ZNF41: variants seen among roughly 807,000 people sequenced by gnomAD.
The protein encoded by ZNF41 is zinc finger protein 41.
In ZNF41, 6 loss-of-function variants were observed where a neutral mutation model predicts 9.3. The ratio of observed to expected loss-of-function variants is 0.65; its 90% CI spans 0.35 to 1.28. ZNF41 has a LOEUF of 1.28. Ranked by LOEUF, ZNF41 falls within the 50% of genes most tolerant of loss-of-function variation. The probability of loss-of-function intolerance (pLI) is 0.03; values close to 1 mark genes in which losing one functional copy is unlikely to be tolerated. For synonymous variants in ZNF41, 192 were observed against 207.1 expected, an observed-to-expected ratio of 0.93 and a Z score of 0.63; for missense variants, 523 against 585.8, an observed-to-expected ratio of 0.89 and a Z score of 1.11.
At chrX:47,469,937 G>A (rs960996399) in intron 1 of ZNF41, among the ~76,000 whole-genome samples, 1 of 110,736 alleles carries the variant, frequency 9.0e-6, no homozygotes, top group African/African-American at 3.3e-5. Flanking sequence ...TGAGGAGAAG[G>A]CAAATTACAA....
chrX:47,464,740 AC>A (rs2056927278), intron 2 of ZNF41, among the ~76,000 whole-genome samples: 1 of 111,741 alleles, frequency 8.9e-6, no homozygotes, highest in Admixed American at 9.5e-5. Context: ...CATGGCCCTA[AC>A]CTGTGGGTCC....
At chrX:47,453,101 T>G (rs949520623) in intron 4 of ZNF41, among the ~76,000 whole-genome samples, 1 of 111,897 alleles carries the variant, frequency 8.9e-6, no homozygotes, top group Non-Finnish European at 1.9e-5. Flanking sequence ...CTTAAATTAT[T>G]TTTTTGAAAT....
rs747769307 is a variant in ZNF41 at position 47,448,079 on chromosome X, G to A, written c.1691C>T (p.Ser564Leu). 7.4e-6 allele frequency: 9 copies of A among 1,211,350 alleles called. No individual in the cohort carries two copies. Among genetic ancestry groups the A allele is most frequent in the Admixed American group, 2.2e-5 (1 of 45,939 alleles). Residue 564 changes from serine to leucine, a missense_variant, in exon 5 of 5, where the codon TCG (serine) becomes TTG (leucine). By Grantham distance (145) the Ser-to-Leu change is moderately radical. Transcript: ENST00000684689. Reference sequence around the variant, plus strand: ...AGATTTCTGATGTATTTTGAGGCGCGACTTCCATATGAAGGCTTTTCCACA... The same window carrying A: ...AGATTTCTGATGTATTTTGAGGCGCAACTTCCATATGAAGGCTTTTCCACA... The part of the protein sequence containing the change: ...NGCGKAFIWK[S>L]RLKIHQKSHI...
At chrX:47,450,574 G>A (rs991952099) in intron 4 of ZNF41, among the ~76,000 whole-genome samples, 3 of 111,550 alleles carry the variant, frequency 2.7e-5, no homozygotes, top group African/African-American at 9.8e-5. Flanking sequence ...AAGAGGAAAG[G>A]GAAAGCTATC....
rs367903849 is a variant in ZNF41 at position 47,447,491 on chromosome X, G to A, written c.2279C>T (p.Ser760Leu). ...TECQKAFTDR[S>L]NLIKHQKMHS... is the part of the protein sequence containing the mutation. The stretch of plus-strand genomic sequence containing the variant: ...CATTTTCTGGTGTTTAATGAGATTC[G>A]ATCTGTCAGTAAAGGCCTTCTGACA... The change falls in exon 5 of 5, where the codon TCG becomes TTG. Residue 760 changes from serine to leucine, a missense_variant. Physicochemically the swap from Ser to Leu is moderately radical, Grantham distance 145. Transcript: ENST00000684689. The A allele has an allele frequency of 4.1e-6, 5 of 1,209,243 alleles. No homozygotes were observed. The highest frequency in any genetic ancestry group is 4.6e-4 in the Middle Eastern group (2 of 4,375).
At chrX:47,451,431 G>T (rs1438448145) in intron 4 of ZNF41, among the ~76,000 whole-genome samples, 1 of 112,347 alleles carries the variant, frequency 8.9e-6, no homozygotes, top group African/African-American at 3.2e-5. Flanking sequence ...ACCCTGATGT[G>T]ATTATTACAC....
intron 2 of ZNF41, among the ~76,000 whole-genome samples, chrX:47,462,973 GTACACACACACACACACACA>G: frequency 1.8e-5 from 1 of 56,520 alleles, no homozygotes; most frequent in East Asian, 6.0e-4. Flanking sequence ...ACACATATGT[GTACACACACACACACACACA>G]TACACACACA....
At position 47,448,386 on chromosome X, in the gene ZNF41, T is replaced by C. The variant is rs2056211787; in HGVS notation, c.1384A>G (p.Thr462Ala). 3 of 1,209,761 alleles carry C rather than the reference T, an allele frequency of 2.5e-6. No individual in the cohort carries two copies. The highest frequency in any genetic ancestry group is 3.4e-6 in the Non-Finnish European group (3 of 895,302). The change falls in exon 5 of 5, where the codon ACT becomes GCT. Residue 462 changes from threonine (T) to alanine (A), a missense_variant. Thr to Ala is a moderately conservative substitution (Grantham distance 58). Transcript: ENST00000684689. ...SHFNTHQRIHTGEKPYECSDC... is the reference protein window; with the variant it reads ...SHFNTHQRIHAGEKPYECSDC... ...CTGCATTCATACGGCTTTTCTCCAGTATGAATTCTCTGATGTGTGTTGAAA... is the reference window on the plus strand; with the variant it reads ...CTGCATTCATACGGCTTTTCTCCAGCATGAATTCTCTGATGTGTGTTGAAA...
chrX:47,469,693 C>A (rs775771428), intron 1 of ZNF41, among the ~76,000 whole-genome samples: 19 of 111,452 alleles, frequency 1.7e-4, no homozygotes, highest in African/African-American at 5.9e-4. Flanking sequence ...TCCTGGCTAA[C>A]ACTGTGAAAC....
rs1389544681 is a variant in ZNF41, at chrX:47,472,911, C to G, written c.-279-5151G>C. The stretch of plus-strand genomic sequence containing the variant: ...CTAATTTTTACATTTTTAGTAGAGA[C>G]GGGGTTTCACCATATTGGTCAGGCT... On this transcript the variant is annotated intron_variant, in intron 1 of 4. Transcript: ENST00000684689. 1.8e-5 allele frequency among the ~76,000 whole-genome samples: 2 copies of G among 109,169 alleles called. 1 individual carries two copies. Among genetic ancestry groups the G allele is most frequent in the Non-Finnish European group, 3.8e-5 (2 of 52,515 alleles). The allele number at this position is 109,169 out of a possible 115,157, so 94.8% of individuals were successfully genotyped here.
chrX:47,450,813 C>G (rs1357069977), intron 4 of ZNF41, among the ~76,000 whole-genome samples: 1 of 111,571 alleles, frequency 9.0e-6, no homozygotes. Flanking sequence ...ATTAACCAGG[C>G]AGGTGACAAC....
At chrX:47,455,431 A>G (rs1331427953) in intron 4 of ZNF41, among the ~76,000 whole-genome samples, 1 of 107,649 alleles carries the variant, frequency 9.3e-6, no homozygotes, top group Admixed American at 1.0e-4. Context: ...CAAAAAATAC[A>G]AAAATTAGCT....
At chrX:47,469,310 CAAAAAAAAAAAAAAAAAAA>C (rs749426044) in intron 1 of ZNF41, among the ~76,000 whole-genome samples, 1 of 35,945 alleles carries the variant, frequency 2.8e-5, no homozygotes. Context: ...GACTCCGTCT[CAAAAAAAAAAAAAAAAAAA>C]AAAAAAAAAA....
intron 1 of ZNF41, among the ~76,000 whole-genome samples, chrX:47,478,667 C>T (rs1047949043): frequency 1.8e-4 from 20 of 111,503 alleles, no homozygotes; most frequent in African/African-American, 6.5e-4. Flanking sequence ...CAATCATGGC[C>T]GGACACAGTG....
chrX:47,454,115 G>A (rs1245082047), intron 4 of ZNF41, among the ~76,000 whole-genome samples: 1 of 110,569 alleles, frequency 9.0e-6, no homozygotes, highest in Non-Finnish European at 1.9e-5. Context: ...AGGAGAAAAG[G>A]TCCCTAGGGA....
Position 47,446,462 on chromosome X carries a change from T to C in ZNF41, c.*968A>G, listed in dbSNP as rs1358865783. The C allele has an allele frequency of 9.1e-6, 1 of 110,391 alleles. No individual in the cohort carries two copies. The highest frequency in any genetic ancestry group is 2.8e-4 in the East Asian group (1 of 3,538). The allele number at this position is 110,391 out of a possible 1,213,427, so 9.1% of individuals were successfully genotyped here. A position where few individuals can be genotyped will look rare whatever the true frequency, so the allele number is the denominator to read the frequency against. ...TGAAACTCAATTTTTCAACCATTCT[T>C]TTTCAGGAAATCCCAAGGAAAGCAG... On this transcript the variant is annotated 3_prime_UTR_variant, in exon 5 of 5. Coordinates refer to ENST00000684689, the MANE Select transcript of ZNF41 (RefSeq NM_001324144.2).
rs754363200 is a variant in ZNF41 at position 47,445,633 on chromosome X, C to T, written c.*1797G>A. Among the ~76,000 whole-genome samples, 3 of 111,965 alleles carry T rather than the reference C, an allele frequency of 2.7e-5. No individual in the cohort carries two copies. Among genetic ancestry groups the T allele is most frequent in the Non-Finnish European group, 5.6e-5 (3 of 53,218 alleles). On this transcript the variant is annotated 3_prime_UTR_variant, in exon 5 of 5. Transcript: ENST00000684689. ...ACATATAGCTGAACATATGGATACA[C>T]TTAGGTACATACCTAACAGGAATAC...
intron 1 of ZNF41, among the ~76,000 whole-genome samples, chrX:47,480,980 C>A (rs746455166): frequency 9.0e-6 from 1 of 110,908 alleles, no homozygotes; most frequent in Admixed American, 9.8e-5. Flanking sequence ...ACGTAATGAT[C>A]ACTCAGGTGA....
chrX:47,466,293 A>AGGT (rs1457408633), intron 2 of ZNF41, among the ~76,000 whole-genome samples: 2 of 111,301 alleles, frequency 1.8e-5, no homozygotes, highest in Non-Finnish European at 3.8e-5. Flanking sequence ...CAGCATCCAC[A>AGGT]GGTAGGTCTG....
Sources: allele counts gnomAD v4.1 joint callset (sites outside exome capture counted in the v4.1 genomes callset), GRCh38; gene constraint gnomAD v4.1.1; transcripts MANE v1.5; gene names NCBI Gene and HGNC (gene_info 2026-07-23, HGNC 2026-07-21).